Variants in RUNDC3B observed in about 807,000 individuals in gnomAD.
The protein encoded by RUNDC3B is RUN domain-containing protein 3B.
A neutral mutation model predicts 58.4 loss-of-function variants in RUNDC3B; 33 were observed. The ratio of observed to expected loss-of-function variants is 0.56; its 90% CI spans 0.43 to 0.75. RUNDC3B has a LOEUF of 0.75. RUNDC3B is among the 30% of genes least tolerant of loss of function. The pLI is 0.00. For missense variants in RUNDC3B, 501 were observed against 535.7 expected (o/e 0.94, Z 0.64); for synonymous variants, 193 against 195.2 (o/e 0.99, Z 0.10).
intron 2 of RUNDC3B, among the ~76,000 whole-genome samples, chr7:87,690,407 C>T (rs1009775645): frequency 2.6e-5 from 4 of 152,058 alleles, no homozygotes; most frequent in Admixed American, 2.6e-4. Context: ...AAGATTAGCA[C>T]AATTTAGGTA....
At chr7:87,659,552 A>G (rs1824481434) in intron 2 of RUNDC3B, among the ~76,000 whole-genome samples, 1 of 152,178 alleles carries the variant, frequency 6.6e-6, no homozygotes, top group Admixed American at 6.6e-5. Context: ...CACATTAGAC[A>G]GTGTTATAAT....
At chr7:87,649,845 A>G (rs1364463490) in intron 1 of RUNDC3B, among the ~76,000 whole-genome samples, 1 of 152,256 alleles carries the variant, frequency 6.6e-6, no homozygotes, top group East Asian at 1.9e-4. Context: ...AAGTCTCACA[A>G]GATTTGATAG....
At chr7:87,695,365 A>T (rs1345478987) in intron 2 of RUNDC3B, among the ~76,000 whole-genome samples, 1 of 152,130 alleles carries the variant, frequency 6.6e-6, no homozygotes, top group Admixed American at 6.6e-5. Flanking sequence ...GGATAATATT[A>T]AACTGGCTTT....
chr7:87,704,416 C>G (rs1232478947), intron 3 of RUNDC3B, among the ~76,000 whole-genome samples: 3 of 152,092 alleles, frequency 2.0e-5, no homozygotes, highest in Non-Finnish European at 4.4e-5. Context: ...TATTCTAAAC[C>G]CTTTCAATAG....
intron 8 of RUNDC3B, among the ~76,000 whole-genome samples, chr7:87,779,292 C>T (rs539114763): frequency 5.3e-5 from 8 of 152,278 alleles, no homozygotes; most frequent in African/African-American, 1.9e-4. Context: ...TTGTCAGCCA[C>T]TTTAAACTTT....
intron 7 of RUNDC3B, among the ~76,000 whole-genome samples, chr7:87,774,793 A>G (rs1236485520): frequency 1.3e-5 from 2 of 152,208 alleles, no homozygotes; most frequent in East Asian, 3.8e-4. Context: ...GGCCATGTAT[A>G]TGAGGTGGTC....
chr7:87,759,472 G>C (rs1271956585), intron 6 of RUNDC3B, among the ~76,000 whole-genome samples: 1 of 152,054 alleles, frequency 6.6e-6, no homozygotes, highest in African/African-American at 2.4e-5. Context: ...ATTACCAAAA[G>C]AGTGGAATTG....
At chr7:87,748,032 A>T (rs1328160819) in intron 6 of RUNDC3B, among the ~76,000 whole-genome samples, 1 of 152,216 alleles carries the variant, frequency 6.6e-6, no homozygotes, top group Non-Finnish European at 1.5e-5. Flanking sequence ...TGCAGAGTTC[A>T]GCTAGAGATT....
chr7:87,793,838 A>G (rs1046417506), intron 8 of RUNDC3B, among the ~76,000 whole-genome samples: 1 of 152,150 alleles, frequency 6.6e-6, no homozygotes, highest in African/African-American at 2.4e-5. Flanking sequence ...AGCTAGAGCA[A>G]TCAGAGAAGG....
chr7:87,732,778 G>A lies in RUNDC3B; in HGVS notation c.459-7013G>A, dbSNP rs867111827. ...TGATTATGAGGTGAGATGGTCACATGGGGATGAAGTAATTCTTTAACATAA... is the reference window on the plus strand; with the variant it reads ...TGATTATGAGGTGAGATGGTCACATAGGGATGAAGTAATTCTTTAACATAA... On this transcript the variant is annotated intron_variant, in intron 4 of 10. Coordinates refer to ENST00000394654, the MANE Select transcript of RUNDC3B (RefSeq NM_001134405.2). Among the ~76,000 whole-genome samples, 5 of 152,256 alleles carry A rather than the reference G, an allele frequency of 3.3e-5. 1 individual carries two copies. The highest frequency in any genetic ancestry group is 4.4e-5 in the Non-Finnish European group (3 of 68,022).
chr7:87,685,633 T>C (rs891953745), intron 2 of RUNDC3B, among the ~76,000 whole-genome samples: 1 of 152,140 alleles, frequency 6.6e-6, no homozygotes, highest in Non-Finnish European at 1.5e-5. Context: ...AAGACCAAAC[T>C]GTAGTATCAG....
intron 2 of RUNDC3B, among the ~76,000 whole-genome samples, chr7:87,667,213 G>T (rs202098099): frequency 1.2e-4 from 19 of 152,068 alleles, no homozygotes; most frequent in Admixed American, 4.6e-4. Flanking sequence ...TCCCTGGGTA[G>T]CTGTATTGCT....
At chr7:87,741,037 T>G (rs193269150) in intron 5 of RUNDC3B, among the ~76,000 whole-genome samples, 75 of 152,106 alleles carry the variant, frequency 4.9e-4, no homozygotes, top group African/African-American at 1.7e-3. Context: ...AAACCCTGTC[T>G]CTACTAAAAA....
chr7:87,720,758 G>A (rs144811161), intron 4 of RUNDC3B, among the ~76,000 whole-genome samples: 1,547 of 151,078 alleles, frequency 0.01, 30 homozygotes, highest in African/African-American at 0.035. Flanking sequence ...GTGCCACCAC[G>A]CCCTGCTAAT....
chr7:87,668,666 G>A (rs890863746), intron 2 of RUNDC3B, among the ~76,000 whole-genome samples: 14 of 152,062 alleles, frequency 9.2e-5, no homozygotes, highest in Admixed American at 7.2e-4. Context: ...AGAGATTCTG[G>A]TATGTTGTAT....
chr7:87,691,318 G>A (rs1341201167), intron 2 of RUNDC3B, among the ~76,000 whole-genome samples: 1 of 152,032 alleles, frequency 6.6e-6, no homozygotes, highest in Non-Finnish European at 1.5e-5. Context: ...TTCTTCTATT[G>A]CATATCCATC....
At chr7:87,764,885 C>A in intron 6 of RUNDC3B, among the ~76,000 whole-genome samples, 1 of 151,720 alleles carries the variant, frequency 6.6e-6, no homozygotes, top group Non-Finnish European at 1.5e-5. Context: ...CTTTTTGATA[C>A]AACGATTAAT....
intron 4 of RUNDC3B, among the ~76,000 whole-genome samples, chr7:87,715,451 A>C (rs1051164992): frequency 6.9e-5 from 9 of 129,824 alleles, no homozygotes; most frequent in Non-Finnish European, 9.5e-5. Flanking sequence ...TATAATATAT[A>C]ATTATATTAT....
intron 9 of RUNDC3B, among the ~76,000 whole-genome samples, chr7:87,811,396 C>T (rs377610422): frequency 1.3e-5 from 2 of 151,512 alleles, no homozygotes; most frequent in African/African-American, 2.4e-5. Flanking sequence ...TGCAGTGGCA[C>T]GATCTCGGCT....
Sources: allele counts gnomAD v4.1 joint callset (sites outside exome capture counted in the v4.1 genomes callset), GRCh38; gene constraint gnomAD v4.1.1; transcripts MANE v1.5; gene names NCBI Gene and HGNC (gene_info 2026-07-23, HGNC 2026-07-21).